C12orf42: variants seen among roughly 807,000 people sequenced by gnomAD.
The protein encoded by C12orf42 is uncharacterized protein C12orf42.
A neutral mutation model predicts 21.6 loss-of-function variants in C12orf42; 25 were observed. That is an observed-to-expected ratio of 1.16 (90% CI 0.84 to 1.62). C12orf42 has a LOEUF of 1.62. Among genes scored for constraint, C12orf42 ranks in the 40% most tolerant of loss-of-function variants. C12orf42 has a pLI of 0.00. For missense variants in C12orf42, 483 were observed against 459.3 expected (o/e 1.05, Z -0.47); for synonymous variants, 174 against 175.0 (o/e 0.99, Z 0.05).
At chr12:103,268,350 A>G (rs1474254577), downstream of C12orf42, 1 of 152,100 alleles carries the variant, frequency 6.6e-6, no homozygotes, top group Non-Finnish European at 1.5e-5. Flanking sequence ...GTTAATAGGT[A>G]TGTGATTTGT....
At chr12:103,298,132 G>A (rs1419408207), downstream of C12orf42, among the ~76,000 whole-genome samples, 1 of 151,710 alleles carries the variant, frequency 6.6e-6, no homozygotes, top group African/African-American at 2.4e-5. Context: ...AAGAAATAAA[G>A]GGTATTCAAT....
At chr12:103,472,209 C>T (rs1953680464) in intron 2 of C12orf42, among the ~76,000 whole-genome samples, 1 of 151,916 alleles carries the variant, frequency 6.6e-6, no homozygotes, top group Admixed American at 6.6e-5. Context: ...CACCCGCCAC[C>T]ATGCCAGGCT....
intron 3 of C12orf42, among the ~76,000 whole-genome samples, chr12:103,399,509 AAAAAGAAG>A (rs1458976608): frequency 1.8e-5 from 2 of 108,402 alleles, no homozygotes; most frequent in Admixed American, 2.3e-4. Flanking sequence ...AAAAAAAAAA[AAAAAGAAG>A]AAGAAGAAAG....
chr12:103,295,855 ATTTTTTTAAATT>A (rs1296737770), intron 4 of C12orf42, among the ~76,000 whole-genome samples: 1 of 151,736 alleles, frequency 6.6e-6, no homozygotes, highest in Non-Finnish European at 1.5e-5. Flanking sequence ...TGTAATCCCA[ATTTTTTTAAATT>A]TTTTTTTAAA....
chr12:103,222,196 G>A, the C12orf42 span, among the ~76,000 whole-genome samples: 1 of 152,128 alleles, frequency 6.6e-6, no homozygotes, highest in Non-Finnish European at 1.5e-5. Context: ...GGTGCAGGCG[G>A]GCTGAGTACA....
At chr12:103,279,805 A>G (rs758401142) in intron 4 of C12orf42, among the ~76,000 whole-genome samples, 3 of 152,224 alleles carry the variant, frequency 2.0e-5, no homozygotes, top group Admixed American at 6.5e-5. Flanking sequence ...TCGTGTTGAA[A>G]GATGGGACAC....
chr12:103,415,852 T>G (rs1176001305), intron 2 of C12orf42, among the ~76,000 whole-genome samples: 2 of 152,136 alleles, frequency 1.3e-5, no homozygotes, highest in African/African-American at 4.8e-5. Context: ...TTGATGGTGT[T>G]TTCTTGTGGA....
chr12:103,414,701 T>G (rs954427102), intron 2 of C12orf42, among the ~76,000 whole-genome samples: 1 of 152,196 alleles, frequency 6.6e-6, no homozygotes, highest in African/African-American at 2.4e-5. Flanking sequence ...ATCCTAGAAG[T>G]TGCTGCTGTA....
At chr12:103,165,064 G>A in the C12orf42 span, among the ~76,000 whole-genome samples, 10 of 152,304 alleles carry the variant, frequency 6.6e-5, no homozygotes, top group East Asian at 1.9e-4. Context: ...TGAAATGACC[G>A]TTTGCTGACT....
chr12:103,116,381 A>AAAAAAAATATATAT, the C12orf42 span, among the ~76,000 whole-genome samples: 10 of 136,700 alleles, frequency 7.3e-5, no homozygotes, highest in African/African-American at 2.5e-4. Context: ...AAAAAAAAAA[A>AAAAAAAATATATAT]ATATATATAT....
At chr12:103,133,539 C>G in the C12orf42 span, among the ~76,000 whole-genome samples, 1 of 152,180 alleles carries the variant, frequency 6.6e-6, no homozygotes, top group African/African-American at 2.4e-5. Flanking sequence ...TCACCACTGC[C>G]TCCATTAACA....
At chr12:103,221,169 A>G in the C12orf42 span, among the ~76,000 whole-genome samples, 1 of 152,360 alleles carries the variant, frequency 6.6e-6, no homozygotes, top group East Asian at 1.9e-4. Context: ...CACAGAGAGG[A>G]TTATAGAACA....
At chr12:103,150,186 T>A in the C12orf42 span, among the ~76,000 whole-genome samples, 3 of 152,218 alleles carry the variant, frequency 2.0e-5, no homozygotes, top group Non-Finnish European at 4.4e-5. Context: ...TGGGGATTGA[T>A]TTATTTTTTA....
chr12:103,118,973 C>T, the C12orf42 span, among the ~76,000 whole-genome samples: 1 of 151,984 alleles, frequency 6.6e-6, no homozygotes, highest in Admixed American at 6.6e-5. Flanking sequence ...CCCAAAAAGT[C>T]CAAGTTTTTA....
chr12:103,540,031 A>G, the C12orf42 span, among the ~76,000 whole-genome samples: 1 of 114,228 alleles, frequency 8.8e-6, no homozygotes, highest in Non-Finnish European at 2.0e-5. Context: ...TTGTTTCTTG[A>G]GACAGTCTTG....
intron 10 of C12orf42, among the ~76,000 whole-genome samples, chr12:103,255,910 G>A (rs1593220991): frequency 6.7e-6 from 1 of 150,004 alleles, no homozygotes; most frequent in Admixed American, 6.7e-5. Flanking sequence ...AAAATTAGCC[G>A]GGCATGGTGG....
At chr12:103,244,973 G>C (rs2033941598) in intron 10 of C12orf42, among the ~76,000 whole-genome samples, 1 of 152,046 alleles carries the variant, frequency 6.6e-6, no homozygotes, top group Admixed American at 6.6e-5. Flanking sequence ...TACTTAAAGA[G>C]TCAACAGAAG....
At chr12:103,532,584 TCTAAA>T in the C12orf42 span, among the ~76,000 whole-genome samples, 2 of 152,214 alleles carry the variant, frequency 1.3e-5, no homozygotes, top group African/African-American at 4.8e-5. Context: ...CAAGTCATGT[TCTAAA>T]CTAAAGAAAA....
In C12orf42 at chr12:103,379,355, C is replaced by T. The variant is rs564313365; in HGVS notation, c.148-10357G>A. Among the ~76,000 whole-genome samples the T allele has an allele frequency of 8.5e-5, 13 of 152,134 alleles. No individual in the cohort carries two copies. In the South Asian group the frequency reaches 2.7e-3, roughly 32 times the overall value. On this transcript the variant is annotated intron_variant, in intron 3 of 5. Transcript: ENST00000548883. ...ATTATTCTATGCTGCAAAAAGAGCT[C>T]AGTGTGAATATTTGAGAATGATACA...
Sources: allele counts gnomAD v4.1 joint callset (sites outside exome capture counted in the v4.1 genomes callset), GRCh38; gene constraint gnomAD v4.1.1; transcripts MANE v1.5; gene names NCBI Gene and HGNC (gene_info 2026-07-23, HGNC 2026-07-21).